The following LRSAM1 variants were observed in gnomAD, a reference collection of about 807,000 sequenced individuals.
LRSAM1 encodes the protein E3 ubiquitin-protein ligase LRSAM1.
LRSAM1 carries 96 observed loss-of-function variants against 118.1 expected under a neutral mutation model. That is an observed-to-expected ratio of 0.81 (90% CI 0.69 to 0.96). The LOEUF (loss-of-function observed/expected upper bound fraction) is 0.96, where lower values mean the gene tolerates loss of function less well. Ranked by LOEUF, LRSAM1 falls within the 40% of genes least tolerant of loss-of-function variation. LRSAM1 has a pLI of 0.00. For synonymous variants in LRSAM1, 322 were observed against 364.2 expected, an observed-to-expected ratio of 0.88 and a Z score of 1.32; for missense variants, 804 against 915.5, an observed-to-expected ratio of 0.88 and a Z score of 1.57.
At chr9:127,481,835 C>G (rs901319457) in intron 15 of LRSAM1, among the ~76,000 whole-genome samples, 1 of 151,854 alleles carries the variant, frequency 6.6e-6, no homozygotes, top group African/African-American at 2.4e-5. Context: ...GTGGGCAGAT[C>G]ACTTGAGGTC....
At chr9:127,466,505 T>TATATATATATATA (rs61032058) in intron 9 of LRSAM1, among the ~76,000 whole-genome samples, 49 of 18,916 alleles carry the variant, frequency 2.6e-3, no homozygotes, top group South Asian at 7.7e-3. Flanking sequence ...TATATATATA[T>TATATATATATATA]TTTTTTTTTT....
chr9:127,472,106 C>T (rs925875769), intron 10 of LRSAM1, among the ~76,000 whole-genome samples: 7 of 148,536 alleles, frequency 4.7e-5, no homozygotes, highest in East Asian at 2.1e-4. Flanking sequence ...GGATTACAGG[C>T]GCCCACCACC....
chr9:127,500,877 T>A (rs1014376407), intron 24 of LRSAM1, 133 bp from the exon 25 acceptor site: 7 of 1,246,816 alleles, frequency 5.6e-6, no homozygotes, highest in Non-Finnish European at 8.1e-6. Flanking sequence ...AGCACTTCCC[T>A]CAGATCTGAG....
chr9:127,460,189 G>A (rs1184276929), intron 7 of LRSAM1, among the ~76,000 whole-genome samples: 3 of 151,872 alleles, frequency 2.0e-5, no homozygotes, highest in African/African-American at 4.8e-5. Context: ...TAGTAGAGAC[G>A]GGGTTTCACC....
chr9:127,489,767 A>G (rs1013637197), intron 19 of LRSAM1, among the ~76,000 whole-genome samples: 12 of 152,182 alleles, frequency 7.9e-5, no homozygotes, highest in Admixed American at 5.9e-4. Flanking sequence ...GCGGGTCTCC[A>G]CCACGCCTGG....
chr9:127,502,946 T>C lies in LRSAM1; in HGVS notation c.*47T>C, dbSNP rs770394681. The C allele has an allele frequency of 2.0e-5, 31 of 1,557,728 alleles. No individual in the cohort carries two copies. The highest frequency in any genetic ancestry group is 2.7e-5 in the African/African-American group (2 of 73,290). ...CTGGTCCTAGCCCTGCCTCGGCCAC[T>C]GTGAGCCCCGGGCTCCTGCTCAGCC... is the stretch of plus-strand genomic sequence containing the variant. On this transcript the variant is annotated 3_prime_UTR_variant, in exon 26 of 26. Coordinates refer to ENST00000300417, the MANE Select transcript of LRSAM1 (RefSeq NM_001005373.4).
chr9:127,473,474 C>A (rs772085570), intron 10 of LRSAM1, among the ~76,000 whole-genome samples: 8 of 152,220 alleles, frequency 5.3e-5, no homozygotes, highest in Non-Finnish European at 8.8e-5. Context: ...GTCTCACATT[C>A]AGGGAATTAT....
At chr9:127,455,743 C>T in intron 5 of LRSAM1, 123 bp downstream of exon 5, 6 of 929,972 alleles carry the variant, frequency 6.5e-6, no homozygotes, top group Admixed American at 3.7e-5. Context: ...TTCTTATGCT[C>T]TTGGCCTGCA....
chr9:127,495,564 C>G, intron 22 of LRSAM1, 146 bp downstream of exon 22: 2 of 740,494 alleles, frequency 2.7e-6, no homozygotes, highest in Non-Finnish European at 4.7e-6. Flanking sequence ...CCAGTGGAGA[C>G]AGAAGCGAGA....
chr9:127,473,591 T>C (rs973040400), intron 10 of LRSAM1, among the ~76,000 whole-genome samples: 3 of 152,210 alleles, frequency 2.0e-5, no homozygotes, highest in East Asian at 1.9e-4. Context: ...CCAGTACCCA[T>C]TGACTCACTC....
At chr9:127,479,177 T>A (rs1454939729) in intron 12 of LRSAM1, among the ~76,000 whole-genome samples, 1 of 152,188 alleles carries the variant, frequency 6.6e-6, no homozygotes, top group Non-Finnish European at 1.5e-5. Context: ...TCAGAGGGGT[T>A]GAGCCCAGCA....
At chr9:127,470,764 G>A (rs1209218456) in intron 10 of LRSAM1, 6 of 152,026 alleles carry the variant, frequency 3.9e-5, no homozygotes, top group African/African-American at 1.2e-4. Context: ...AGACACAAAG[G>A]AATATGTGCT....
chr9:127,483,005 C>T lies in LRSAM1; in HGVS notation c.1144C>T (p.Arg382Ter), dbSNP rs752177472. 7.5e-6 allele frequency: 12 copies of T among 1,596,188 alleles called. No individual in the cohort carries two copies. The highest frequency in any genetic ancestry group is 1.1e-5 in the South Asian group (1 of 88,354). Reference protein sequence around the residue: ...ITQEETESLRRRDVASAMQQM... With the variant: ...ITQEETESLR ...CCAGGAGGAGACTGAGAGCCTGCGG[C>T]GACGTGACGTTGCCTGTGAGTTTTG... The change falls in exon 16 of 26, where the codon CGA becomes TGA. Residue 382 changes from arginine (R) to a stop codon, truncating the protein, a stop_gained. Transcript: ENST00000300417. LOFTEE classifies it high-confidence loss of function.
At chr9:127,478,630 T>G (rs548086636) in intron 11 of LRSAM1, among the ~76,000 whole-genome samples, 64 of 152,344 alleles carry the variant, frequency 4.2e-4, no homozygotes, top group South Asian at 2.5e-3. Flanking sequence ...TCCCATTTCC[T>G]GCTCTGCTCT....
intron 23 of LRSAM1, among the ~76,000 whole-genome samples, chr9:127,496,396 C>T (rs1357260495): frequency 6.6e-6 from 1 of 152,166 alleles, no homozygotes; most frequent in Non-Finnish European, 1.5e-5. Context: ...CAGCCTCTGC[C>T]CTGCCTCATG....
At chr9:127,468,804 T>A (rs544469793) in intron 10 of LRSAM1, among the ~76,000 whole-genome samples, 1 of 103,452 alleles carries the variant, frequency 9.7e-6, no homozygotes, top group South Asian at 3.3e-4. Flanking sequence ...TGAAACCCTG[T>A]CTCTACAAAA....
At chr9:127,491,436 G>T (rs1835929697) in intron 20 of LRSAM1, 141 bp downstream of exon 20, 3 of 717,732 alleles carry the variant, frequency 4.2e-6, no homozygotes, top group Non-Finnish European at 7.5e-6. Context: ...CTCCTCTGTG[G>T]CTGTGACACC....
rs1564282755 is a variant in LRSAM1, at chr9:127,496,057, G to A, written c.1792G>A (p.Asp598Asn). ...PIFAHHRLSL[D>N]LLSQMSPGDL... ...CTTTGCGCACCACCGCCTCTCACTGGACCTGCTGAGCCAAATGAGCCCAGG... is the reference window on the plus strand; with the variant it reads ...CTTTGCGCACCACCGCCTCTCACTGAACCTGCTGAGCCAAATGAGCCCAGG... Residue 598 changes from aspartate (D) to asparagine (N), a missense_variant, in exon 23 of 26, where the codon GAC becomes AAC. Physicochemically the swap from Asp to Asn is conservative, Grantham distance 23 (BLOSUM62 1). Coordinates refer to ENST00000300417, the MANE Select transcript of LRSAM1 (RefSeq NM_001005373.4). The A allele has an allele frequency of 1.2e-6, 2 of 1,611,916 alleles. No homozygotes were observed. The highest frequency in any genetic ancestry group is 1.7e-6 in the Non-Finnish European group (2 of 1,180,018).
chr9:127,491,753 C>T (rs1835942221), intron 20 of LRSAM1, among the ~76,000 whole-genome samples: 1 of 152,198 alleles, frequency 6.6e-6, no homozygotes, highest in Non-Finnish European at 1.5e-5. Context: ...CTCTGGGGCT[C>T]CAGCCCGGGA....
Sources: allele counts gnomAD v4.1 joint callset (sites outside exome capture counted in the v4.1 genomes callset), GRCh38; gene constraint gnomAD v4.1.1; transcripts MANE v1.5; gene names NCBI Gene and HGNC (gene_info 2026-07-23, HGNC 2026-07-21).